ZNF43: variants seen among roughly 807,000 people sequenced by gnomAD.
ZNF43 encodes the protein zinc finger protein 39-like 1 (KOX 27).
A neutral mutation model predicts 68.4 loss-of-function variants in ZNF43; 44 were observed. The observed-to-expected ratio is 0.64, with a 90% CI of 0.51 to 0.83. The LOEUF (loss-of-function observed/expected upper bound fraction) is 0.83, where lower values mean the gene tolerates loss of function less well. Ranked by LOEUF, ZNF43 falls within the 40% of genes least tolerant of loss-of-function variation. ZNF43 has a pLI of 0.00. For synonymous variants in ZNF43, 308 were observed against 307.8 expected, an observed-to-expected ratio of 1.00 and a Z score of -0.01; for missense variants, 896 against 933.2, an observed-to-expected ratio of 0.96 and a Z score of 0.52.
intron 3 of ZNF43, among the ~76,000 whole-genome samples, chr19:21,810,416 C>T (rs942109684): frequency 3.3e-5 from 5 of 152,100 alleles, no homozygotes; most frequent in African/African-American, 1.2e-4. Flanking sequence ...GACTATGGTG[C>T]CAAGTCATTC....
At position 21,836,007 on chromosome 19, in the gene ZNF43, C is replaced by A. The variant is rs367759627; in HGVS notation, c.3+29G>T. On this transcript the variant is annotated intron_variant, in intron 1 of 3. Coordinates refer to ENST00000354959, the MANE Select transcript of ZNF43 (RefSeq NM_003423.4). ...TGAGTCACGCCACAGCCCCTTCCCCCTCTCGGGATGTCGGACCGGCACTCT... is the reference window on the plus strand; with the variant it reads ...TGAGTCACGCCACAGCCCCTTCCCCATCTCGGGATGTCGGACCGGCACTCT... 198 of 1,613,912 alleles carry A rather than the reference C, an allele frequency of 1.2e-4. No individual in the cohort carries two copies. The African/African-American group carries it at 2.1e-3, about 17-fold the overall frequency.
chr19:21,820,264 T>TAC (rs2037753561), intron 1 of ZNF43, among the ~76,000 whole-genome samples: 2 of 147,170 alleles, frequency 1.4e-5, no homozygotes, highest in Middle Eastern at 7.3e-3. Context: ...TTTATATATA[T>TAC]ACACACACAT....
At position 21,808,139 on chromosome 19, in the gene ZNF43, T is replaced by G. The variant is rs2037053227; in HGVS notation, c.1898A>C (p.Gln633Pro). ...KCEECGKAFN[Q>P]FSTLTKHKII... is the part of the protein sequence containing the mutation. Reference sequence around the variant, plus strand: ...CTTATGTTTAGTAAGAGTTGAGAACTGGTTAAAAGCTTTGCCACATTCTTC... The same window carrying G: ...CTTATGTTTAGTAAGAGTTGAGAACGGGTTAAAAGCTTTGCCACATTCTTC... The change falls in exon 4 of 4, where the codon CAG (glutamine) becomes CCG (proline). Residue 633 changes from glutamine (Q) to proline (P), a missense_variant. Coordinates refer to ENST00000354959, the MANE Select transcript of ZNF43 (RefSeq NM_003423.4). 7 of 1,612,472 alleles carry G rather than the reference T, an allele frequency of 4.3e-6. No individual in the cohort carries two copies. The highest frequency in any genetic ancestry group is 5.9e-6 in the Non-Finnish European group (7 of 1,179,560).
Position 21,808,217 on chromosome 19 carries a change from G to A in ZNF43, c.1820C>T (p.Ser607Leu), listed in dbSNP as rs748344967. ...AATTTTTTTATGTGTAGTAAGGTTT[G>A]AAGATTGGGTAAAAGCTTTGCCACA... ...EECGKAFTQS[S>L]NLTTHKKIHT... The change falls in exon 4 of 4, where the codon TCA becomes TTA. Residue 607 changes from serine (S) to leucine (L), a missense_variant. Physicochemically the swap from Ser to Leu is moderately radical, Grantham distance 145 (BLOSUM62 -2). Transcript: ENST00000354959. 6.2e-7 allele frequency: 1 copy of A among 1,613,178 alleles called. No individual in the cohort carries two copies. The highest frequency in any genetic ancestry group is 8.5e-7 in the Non-Finnish European group (1 of 1,179,694).
At chr19:21,824,319 T>C (rs879675278) in intron 1 of ZNF43, among the ~76,000 whole-genome samples, 4 of 152,192 alleles carry the variant, frequency 2.6e-5, no homozygotes, top group African/African-American at 4.8e-5. Flanking sequence ...GGTATAGCTG[T>C]GGTCATAGCT....
chr19:21,817,008 AG>A (rs2037561092), intron 3 of ZNF43, among the ~76,000 whole-genome samples: 1 of 152,162 alleles, frequency 6.6e-6, no homozygotes, highest in Non-Finnish European at 1.5e-5. Context: ...TGGAAGGCCG[AG>A]GCAGACAGAT....
At position 21,808,471 on chromosome 19, in the gene ZNF43, G is replaced by A. The variant is rs758565363; in HGVS notation, c.1566C>T (p.Ser522=). 3.1e-6 allele frequency: 5 copies of A among 1,612,650 alleles called. No homozygotes were observed. In the South Asian group the frequency reaches 5.5e-5, roughly 18 times the overall value. Residue 522 remains serine (S), a synonymous_variant, in exon 4 of 4, where the codon TCC becomes TCT. Coordinates refer to ENST00000354959, the MANE Select transcript of ZNF43 (RefSeq NM_003423.4). The part of the protein sequence containing the change: ...CEECGKAFKW[S]SKLTEHKITH... The stretch of plus-strand genomic sequence containing the variant: ...TTATCTTATGTTCAGTAAGCTTTGA[G>A]GACCACTTAAAAGCTTTGCCACATT...
At chr19:21,843,209 G>A (rs572851693) in intron 1 of ZNF43, 1 of 190,478 alleles carries the variant, frequency 5.2e-6, no homozygotes, top group African/African-American at 2.4e-5. Context: ...AAGAGTATAG[G>A]GTCACATGAT....
At position 21,819,239 on chromosome 19, in the gene ZNF43, TAC is replaced by T; in HGVS notation, c.4-20_4-19del. 6.3e-7 allele frequency: 1 copy of T among 1,575,182 alleles called. No individual in the cohort carries two copies. The highest frequency in any genetic ancestry group is 8.6e-7 in the Non-Finnish European group (1 of 1,166,166). Reference sequence around the variant, plus strand: ...AATGGTCCCTAAAAAAAACAACACATACACACACAAACACACACATTTACCAA... The same window carrying T: ...AATGGTCCCTAAAAAAAACAACACATACACACAAACACACACATTTACCAA... On this transcript the variant is annotated intron_variant, in intron 1 of 3. Transcript: ENST00000354959.
At chr19:21,824,732 TAAAA>T (rs34739856) in intron 1 of ZNF43, among the ~76,000 whole-genome samples, 10 of 107,244 alleles carry the variant, frequency 9.3e-5, no homozygotes, top group Non-Finnish European at 2.0e-4. Context: ...TATGTTTACC[TAAAA>T]AAAAAAAAAA....
At chr19:21,839,331 CAAAAAAA>C (rs61335194), upstream of ZNF43, among the ~76,000 whole-genome samples, 83 of 28,296 alleles carry the variant, frequency 2.9e-3, 1 homozygote, top group South Asian at 0.089. Context: ...AGAGATCAGG[CAAAAAAA>C]AAAAAAAAAA....
intron 1 of ZNF43, among the ~76,000 whole-genome samples, chr19:21,833,675 T>C (rs2038538559): frequency 6.6e-6 from 1 of 151,430 alleles, no homozygotes; most frequent in Admixed American, 6.6e-5. Context: ...AAATGAAGTG[T>C]GGCTGAGGAA....
intron 3 of ZNF43, 113 bp from the exon 4 acceptor site, chr19:21,809,920 A>G (rs938729927): frequency 5.5e-5 from 54 of 990,308 alleles, no homozygotes; most frequent in Non-Finnish European, 7.6e-5. Flanking sequence ...ATAGAAAAAT[A>G]CCACAGGCCC....
chr19:21,842,225 G>A lies in ZNF43; in HGVS notation c.30+9680C>T, dbSNP rs138896023. Among the ~76,000 whole-genome samples the A allele has an allele frequency of 3.1e-3, 466 of 151,868 alleles. 1 individual carries two copies. Among genetic ancestry groups the A allele is most frequent in the African/African-American group, 0.011 (447 of 41,444 alleles). Reference sequence around the variant, plus strand: ...AGAGAACGAGAGCATCCTGGACAACGTGGTGAAATCCTGTCTCTAATAAAA... The same window carrying A: ...AGAGAACGAGAGCATCCTGGACAACATGGTGAAATCCTGTCTCTAATAAAA... On this transcript the variant is annotated intron_variant, in intron 1 of 3. Transcript: ENST00000357491.
At chr19:21,844,295 G>C (rs975200535) in intron 1 of ZNF43, among the ~76,000 whole-genome samples, 2 of 148,036 alleles carry the variant, frequency 1.4e-5, no homozygotes, top group African/African-American at 5.1e-5. Context: ...GTTGCAGTAA[G>C]GTGAGCTCGT....
chr19:21,812,333 C>A (rs1448092008), intron 3 of ZNF43, among the ~76,000 whole-genome samples: 2 of 152,028 alleles, frequency 1.3e-5, no homozygotes, highest in African/African-American at 2.4e-5. Context: ...TAACCATGGT[C>A]TCGATCTCCT....
upstream of ZNF43, among the ~76,000 whole-genome samples, chr19:21,838,337 TA>T (rs375370563): frequency 3.0e-4 from 46 of 151,702 alleles, 1 homozygote; most frequent in African/African-American, 8.2e-4. Flanking sequence ...TAGAGGTTAA[TA>T]AAAAAAACTC....
In ZNF43 at chr19:21,849,308, G is replaced by C. The variant is rs572989856; in HGVS notation, c.30+2597C>G. 9.7e-4 allele frequency among the ~76,000 whole-genome samples: 147 copies of C among 152,016 alleles called. 3 individuals are homozygous for C. In the South Asian group the frequency reaches 0.012, roughly 12 times the overall value. ...GTTCTAGACTAGCCTGACCAACACT[G>C]AGAAACCCCGTCTCTACTCAAAATA... On this transcript the variant is annotated intron_variant, in intron 1 of 3. Transcript: ENST00000357491.
At position 21,809,303 on chromosome 19, in the gene ZNF43, A is replaced by T; in HGVS notation, c.734T>A (p.Leu245His). 1 of 1,613,490 alleles carries T rather than the reference A, an allele frequency of 6.2e-7. No individual in the cohort carries two copies. Among genetic ancestry groups the T allele is most frequent in the East Asian group, 2.2e-5 (1 of 44,824 alleles). Residue 245 changes from leucine (L) to histidine (H), a missense_variant, in exon 4 of 4, where the codon CTT (leucine) becomes CAT (histidine). Leu to His is a moderately conservative substitution (Grantham distance 99). Coordinates refer to ENST00000354959, the MANE Select transcript of ZNF43 (RefSeq NM_003423.4). The part of the protein sequence containing the change: ...CGKVFNWSSR[L>H]TTHKKNYTRY... The stretch of plus-strand genomic sequence containing the variant: ...AGTATAATTTTTTTTATGTGTAGTA[A>T]GGCGTGAGGACCAATTAAAGACTTT...
Sources: allele counts gnomAD v4.1 joint callset (sites outside exome capture counted in the v4.1 genomes callset), GRCh38; gene constraint gnomAD v4.1.1; transcripts MANE v1.5; gene names NCBI Gene and HGNC (gene_info 2026-07-23, HGNC 2026-07-21).